The following SFXN1 variants were observed in gnomAD, a reference collection of about 807,000 sequenced individuals.
The protein encoded by SFXN1 is sideroflexin 1.
SFXN1 carries 32 observed loss-of-function variants against 39.5 expected under a neutral mutation model. The observed-to-expected ratio is 0.81, with a 90% CI of 0.61 to 1.09. The LOEUF is 1.09. Among genes scored for constraint, SFXN1 ranks in the 50% least tolerant of loss-of-function variants. The pLI, the probability that SFXN1 is intolerant of heterozygous loss-of-function variation, is 0.00. For synonymous variants in SFXN1, 136 were observed against 146.5 expected, an observed-to-expected ratio of 0.93 and a Z score of 0.52; for missense variants, 402 against 407.1, an observed-to-expected ratio of 0.99 and a Z score of 0.11.
At chr5:175,509,378 G>T in intron 3 of SFXN1, 176 bp downstream of exon 3, 1 of 522,416 alleles carries the variant, frequency 1.9e-6, no homozygotes, top group Non-Finnish European at 3.1e-6. Flanking sequence ...AAAACATCAT[G>T]TTGAACTCCT....
intron 5 of SFXN1, 49 bp from the exon 6 acceptor site, chr5:175,512,062 C>A (rs923849373): frequency 4.7e-6 from 7 of 1,495,940 alleles, no homozygotes; most frequent in Non-Finnish European, 6.5e-6. Flanking sequence ...TTTCCATTTA[C>A]TAGTACAGGA....
In SFXN1 at chr5:175,512,209, T is replaced by G. The variant is rs752207482; in HGVS notation, c.596+13T>G. On this transcript the variant is annotated intron_variant, in intron 6 of 10. Transcript: ENST00000321442. ...TAATGAGGCAAAGGTAAGACGAATA[T>G]GCACTCTTAGTAGGGACATGTGCTT... is the stretch of plus-strand genomic sequence containing the variant. The G allele has an allele frequency of 3.1e-6, 5 of 1,611,090 alleles. No homozygotes were observed. The highest frequency in any genetic ancestry group is 3.4e-6 in the Non-Finnish European group (4 of 1,177,326).
At chr5:175,510,371 G>GT in intron 4 of SFXN1, 164 bp downstream of exon 4, 1 of 614,294 alleles carries the variant, frequency 1.6e-6, no homozygotes. Context: ...AAAGTAAAGT[G>GT]TTTCATTTTC....
chr5:175,521,406 C>G (rs1233674470), intron 8 of SFXN1, among the ~76,000 whole-genome samples: 1 of 152,172 alleles, frequency 6.6e-6, no homozygotes. Flanking sequence ...AGCCACCATA[C>G]TAGGTGCTTT....
chr5:175,489,073 T>A (rs968938233), intron 1 of SFXN1, among the ~76,000 whole-genome samples: 6 of 152,112 alleles, frequency 3.9e-5, no homozygotes, highest in African/African-American at 1.2e-4. Flanking sequence ...AGTAAGTAGG[T>A]GCTCAATAAA....
At chr5:175,489,750 G>A (rs894711494) in intron 1 of SFXN1, among the ~76,000 whole-genome samples, 1 of 152,148 alleles carries the variant, frequency 6.6e-6, no homozygotes, top group Non-Finnish European at 1.5e-5. Context: ...TCCTTCTAGA[G>A]ACTCTGATCC....
At chr5:175,491,828 G>T in intron 1 of SFXN1, 2 of 283,962 alleles carry the variant, frequency 7.0e-6, no homozygotes, top group Non-Finnish European at 1.3e-5. Context: ...GTAATTCTAG[G>T]TATCCAACAA....
chr5:175,489,425 T>C (rs904724449), intron 1 of SFXN1, among the ~76,000 whole-genome samples: 68 of 152,318 alleles, frequency 4.5e-4, no homozygotes, highest in Admixed American at 2.6e-4. Context: ...GTAGCTAATA[T>C]GCCTCAGCAG....
intron 1 of SFXN1, among the ~76,000 whole-genome samples, chr5:175,489,493 C>T (rs1241930374): frequency 6.6e-6 from 1 of 152,196 alleles, no homozygotes; most frequent in Admixed American, 6.5e-5. Flanking sequence ...AGGAACTGGA[C>T]TCTGCTTTCT....
chr5:175,490,459 T>C (rs994593816), intron 1 of SFXN1, among the ~76,000 whole-genome samples: 22 of 152,200 alleles, frequency 1.4e-4, no homozygotes, highest in Non-Finnish European at 2.5e-4. Flanking sequence ...TATGTGTTCA[T>C]TGGAGATTTT....
intron 2 of SFXN1, among the ~76,000 whole-genome samples, chr5:175,502,772 C>G (rs535965332): frequency 6.6e-6 from 1 of 152,100 alleles, no homozygotes; most frequent in Admixed American, 6.5e-5. Context: ...ACCCGGGAAG[C>G]AAAGGTTGCG....
rs146307610 is a variant in SFXN1 at position 175,520,260 on chromosome 5, A to C, written c.775-1659A>C. Among the ~76,000 whole-genome samples the C allele has an allele frequency of 3.9e-3, 596 of 152,140 alleles. 7 individuals are homozygous for C. The highest frequency in any genetic ancestry group is 0.013 in the African/African-American group (551 of 41,502). On this transcript the variant is annotated intron_variant, in intron 8 of 10. Transcript: ENST00000321442. ...ATATTTATGTATCTTTTAAACATAT[A>C]ATTACTCTCTTTAATTCATTTGGAC... is the stretch of plus-strand genomic sequence containing the variant.
intron 10 of SFXN1, among the ~76,000 whole-genome samples, chr5:175,524,421 ATTG>A (rs1760996739): frequency 6.6e-6 from 1 of 151,646 alleles, no homozygotes; most frequent in Non-Finnish European, 1.5e-5. Flanking sequence ...TAGTCCATTC[ATTG>A]TTGTTGTTGT....
chr5:175,522,490 G>T (rs772200576), intron 10 of SFXN1, 68 bp downstream of exon 10: 76 of 1,473,518 alleles, frequency 5.2e-5, no homozygotes, highest in Non-Finnish European at 6.8e-5. Context: ...AGGTGCAGGT[G>T]CCATTATTCC....
intron 10 of SFXN1, 61 bp from the exon 11 acceptor site, chr5:175,526,577 T>C (rs1403277617): frequency 1.4e-6 from 2 of 1,402,270 alleles, no homozygotes; most frequent in African/African-American, 1.4e-5. Flanking sequence ...CCCTGCTCTT[T>C]CTAGGTCCTG....
chr5:175,497,349 A>G (rs569131082), intron 2 of SFXN1, among the ~76,000 whole-genome samples: 25 of 152,228 alleles, frequency 1.6e-4, no homozygotes, highest in Non-Finnish European at 3.4e-4. Flanking sequence ...ATCATGTTTT[A>G]AGTATGACTG....
Position 175,526,998 on chromosome 5 carries a change from A to G in SFXN1, c.*264A>G, listed in dbSNP as rs1761086928. The G allele has an allele frequency of 2.2e-6, 1 of 449,728 alleles. No homozygotes were observed. Among genetic ancestry groups the G allele is most frequent in the African/African-American group, 2.0e-5 (1 of 51,008 alleles). 27.9% of individuals were successfully genotyped at this position (449,728 alleles called of 1,614,324 possible). On this transcript the variant is annotated 3_prime_UTR_variant, in exon 11 of 11. Transcript: ENST00000321442. ...ATAGTCATTGTTTTTCAAAGACGATATACCAGCCCTCACCCAGGTTTTAAA... is the reference window on the plus strand; with the variant it reads ...ATAGTCATTGTTTTTCAAAGACGATGTACCAGCCCTCACCCAGGTTTTAAA...
chr5:175,498,637 T>C (rs1157131881), intron 2 of SFXN1, among the ~76,000 whole-genome samples: 1 of 151,884 alleles, frequency 6.6e-6, no homozygotes, highest in Non-Finnish European at 1.5e-5. Context: ...AGAAAACAAA[T>C]AAAACTCAAA....
chr5:175,492,478 C>G lies in SFXN1; in HGVS notation c.164+211C>G, dbSNP rs189737800. On this transcript the variant is annotated intron_variant, in intron 2 of 10. Transcript: ENST00000321442. ...ACAGATATCTAGGGTTCATATTAAC[C>G]TGACAATGGGAGTCATCCCTCTTAG... 1,078 of 434,612 alleles carry G rather than the reference C, an allele frequency of 2.5e-3. 7 individuals carry two copies. The highest frequency in any genetic ancestry group is 0.02 in the Middle Eastern group (32 of 1,624). The allele number at this position is 434,612 out of a possible 1,614,324, so 26.9% of individuals were successfully genotyped here.
Sources: gnomAD v4.1 joint callset for allele counts (sites outside exome capture counted in the v4.1 genomes callset) on GRCh38, gnomAD v4.1.1 for gene constraint, MANE v1.5 for transcripts, NCBI Gene and HGNC (gene_info 2026-07-23, HGNC 2026-07-21) for gene names.